ASIC2: variants seen among roughly 807,000 people sequenced by gnomAD.
ASIC2 encodes the protein acid-sensing ion channel 2.
In ASIC2, 25 loss-of-function variants were observed where a neutral mutation model predicts 57.3. The observed-to-expected ratio is 0.44, with a 90% CI of 0.32 to 0.61. ASIC2 has a LOEUF of 0.61. ASIC2 is among the 20% of genes least tolerant of loss of function. The probability of loss-of-function intolerance (pLI) is 0.06; values close to 1 mark genes in which losing one functional copy is unlikely to be tolerated. For missense variants in ASIC2, 641 were observed against 738.1 expected (o/e 0.87, Z 1.52); for synonymous variants, 319 against 307.5 (o/e 1.04, Z -0.39).
At chr17:34,119,037 G>C (rs536233957) in intron 1 of ASIC2, among the ~76,000 whole-genome samples, 1 of 152,190 alleles carries the variant, frequency 6.6e-6, no homozygotes, top group African/African-American at 2.4e-5. Context: ...TTTAGCTTGG[G>C]AACAGAAACG....
upstream of ASIC2, among the ~76,000 whole-genome samples, chr17:33,294,612 TATACAC>T (rs1905645127): frequency 6.6e-6 from 1 of 151,784 alleles, no homozygotes; most frequent in African/African-American, 2.4e-5. Flanking sequence ...CAAGCACACA[TATACAC>T]AAACACACAC....
intron 1 of ASIC2, among the ~76,000 whole-genome samples, chr17:33,493,624 C>T (rs763387985): frequency 6.6e-6 from 1 of 152,106 alleles, no homozygotes; most frequent in African/African-American, 2.4e-5. Flanking sequence ...CCTTTCCTCC[C>T]GTGTTACTAG....
intron 3 of ASIC2, among the ~76,000 whole-genome samples, chr17:33,068,236 A>T (rs1340559800): frequency 6.6e-6 from 1 of 152,138 alleles, no homozygotes; most frequent in Non-Finnish European, 1.5e-5. Flanking sequence ...TTCCCCAAAG[A>T]CCCTCAGTCA....
At chr17:33,236,321 T>C (rs944368511) in intron 1 of ASIC2, among the ~76,000 whole-genome samples, 5 of 151,970 alleles carry the variant, frequency 3.3e-5, no homozygotes, top group African/African-American at 4.8e-5. Flanking sequence ...TGTGACCCTA[T>C]TTAAAATTAG....
chr17:34,101,503 C>T (rs998561997), intron 1 of ASIC2, among the ~76,000 whole-genome samples: 11 of 152,156 alleles, frequency 7.2e-5, no homozygotes, highest in African/African-American at 1.2e-4. Flanking sequence ...AGGGTTCCCA[C>T]GCTTTTAATG....
At chr17:33,216,480 G>A (rs538032416) in intron 1 of ASIC2, among the ~76,000 whole-genome samples, 5 of 152,308 alleles carry the variant, frequency 3.3e-5, no homozygotes, top group South Asian at 2.1e-4. Context: ...GTGCTGAAGC[G>A]GACTTAGAAG....
At chr17:33,752,172 C>T (rs1181743811) in intron 1 of ASIC2, among the ~76,000 whole-genome samples, 1 of 152,054 alleles carries the variant, frequency 6.6e-6, no homozygotes, top group Non-Finnish European at 1.5e-5. Flanking sequence ...AGAGTAGACT[C>T]AGCTGGTGGC....
At chr17:34,116,544 C>A (rs940390007) in intron 1 of ASIC2, among the ~76,000 whole-genome samples, 3 of 152,102 alleles carry the variant, frequency 2.0e-5, no homozygotes, top group Non-Finnish European at 2.9e-5. Flanking sequence ...ATCTTACATT[C>A]TAGTCAGGGG....
chr17:34,104,079 C>T (rs1207545651), intron 1 of ASIC2, among the ~76,000 whole-genome samples: 2 of 152,090 alleles, frequency 1.3e-5, no homozygotes, highest in African/African-American at 4.8e-5. Context: ...AATTTTCCAA[C>T]CCACAAATAT....
intron 1 of ASIC2, among the ~76,000 whole-genome samples, chr17:33,318,296 A>C (rs924524789): frequency 6.6e-6 from 1 of 152,010 alleles, no homozygotes; most frequent in African/African-American, 2.4e-5. Flanking sequence ...AAGAGATATA[A>C]TCTTCTCCAT....
chr17:33,507,120 A>G (rs1567633984), intron 1 of ASIC2, among the ~76,000 whole-genome samples: 2 of 152,220 alleles, frequency 1.3e-5, no homozygotes, highest in Non-Finnish European at 1.5e-5. Flanking sequence ...CTCACTCCCA[A>G]TACCTGATGC....
intron 1 of ASIC2, among the ~76,000 whole-genome samples, chr17:34,124,248 CTG>C (rs1323113393): frequency 6.6e-6 from 1 of 152,180 alleles, no homozygotes; most frequent in African/African-American, 2.4e-5. Flanking sequence ...CCTTGTAAAA[CTG>C]TAATGGGTGA....
chr17:33,047,102 C>T (rs1425892338), intron 3 of ASIC2, among the ~76,000 whole-genome samples: 1 of 152,202 alleles, frequency 6.6e-6, no homozygotes, highest in South Asian at 2.1e-4. Flanking sequence ...CTTTTATTGT[C>T]CTCTTCCTGG....
chr17:33,896,414 A>G (rs1230538461), intron 1 of ASIC2, among the ~76,000 whole-genome samples: 1 of 152,200 alleles, frequency 6.6e-6, no homozygotes, highest in Non-Finnish European at 1.5e-5. Flanking sequence ...TGGCAGCCCA[A>G]GTAAGTTCTG....
In ASIC2 at chr17:33,730,361, T is replaced by G. The variant is rs117860378; in HGVS notation, c.555+425617A>C. ...TGGGATGACAGTGAGGTCTCACTAA[T>G]GAGGACTAATTGCGGGAGGAGAAGG... On this transcript the variant is annotated intron_variant, in intron 1 of 9. Coordinates refer to the ASIC2 transcript ENST00000359872. Among the ~76,000 whole-genome samples, 30 of 152,312 alleles carry G rather than the reference T, an allele frequency of 2.0e-4. No individual in the cohort carries two copies. In the East Asian group the frequency reaches 3.1e-3, roughly 16 times the overall value.
chr17:33,939,543 C>T (rs556994241), intron 1 of ASIC2, among the ~76,000 whole-genome samples: 3 of 152,274 alleles, frequency 2.0e-5, no homozygotes, highest in East Asian at 3.9e-4. Context: ...GCAAACAGAG[C>T]GTGAATGAAT....
intron 1 of ASIC2, among the ~76,000 whole-genome samples, chr17:33,162,161 T>C (rs1905181662): frequency 6.6e-6 from 1 of 152,120 alleles, no homozygotes; most frequent in African/African-American, 2.4e-5. Context: ...TCCAGTCTTT[T>C]GTGAGAGCTT....
At chr17:33,816,830 A>T (rs909847716) in intron 1 of ASIC2, 12 of 152,256 alleles carry the variant, frequency 7.9e-5, no homozygotes, top group African/African-American at 2.9e-4. Context: ...GGCCTTTCCC[A>T]GTCCCCAAAT....
At position 34,156,376 on chromosome 17, in the gene ASIC2, G is replaced by A. The variant is rs1395148013; in HGVS notation, c.157C>T (p.Leu53=). The A allele has an allele frequency of 1.2e-6, 2 of 1,614,104 alleles. No individual in the cohort carries two copies. The highest frequency in any genetic ancestry group is 1.3e-5 in the African/African-American group (1 of 74,948). The change falls in exon 1 of 10, where the codon CTG becomes TTG. Residue 53 remains leucine, a synonymous_variant. Transcript: ENST00000359872. This position sits in a 1 kb window ranked among gnomAD's most constrained non-coding sequence, Gnocchi z 4.4. Reference sequence around the variant, plus strand: ...GAGCTCTCCACCAGCAGCAGGCCCAGAGAGCCCACGAAGGCCACTGCCCAC... The same window carrying A: ...GAGCTCTCCACCAGCAGCAGGCCCAAAGAGCCCACGAAGGCCACTGCCCAC...
Sources: gnomAD v4.1 joint callset for allele counts (sites outside exome capture counted in the v4.1 genomes callset) on GRCh38, gnomAD v4.1.1 for gene constraint, Gnocchi (gnomAD v3.1) non-coding constraint, MANE v1.5 for transcripts, NCBI Gene and HGNC (gene_info 2026-07-23, HGNC 2026-07-21) for gene names.